The following EXOC1 variants were observed in gnomAD, a reference collection of about 807,000 sequenced individuals.
EXOC1 encodes the protein SEC3-like 1.
In EXOC1, 67 loss-of-function variants were observed where a neutral mutation model predicts 107.7. The observed-to-expected ratio is 0.62, with a 90% confidence interval of 0.51 to 0.76. The LOEUF (loss-of-function observed/expected upper bound fraction) is 0.76, where lower values mean the gene tolerates loss of function less well. Among genes scored for constraint, EXOC1 ranks in the 30% least tolerant of loss-of-function variants. The probability of loss-of-function intolerance (pLI) is 0.00; values close to 1 mark genes in which losing one functional copy is unlikely to be tolerated. For missense variants in EXOC1, 833 were observed against 1,055.7 expected, an observed-to-expected ratio of 0.79 and a Z score of 2.92; for synonymous variants, 348 against 353.5, an observed-to-expected ratio of 0.98 and a Z score of 0.17.
At chr4:55,877,609 TGA>T (rs1257963199) in intron 8 of EXOC1, 3 of 985,396 alleles carry the variant, frequency 3.0e-6, no homozygotes, top group Non-Finnish European at 3.6e-6. Flanking sequence ...AAATATGGTA[TGA>T]GAGAGACAAG....
At chr4:55,899,045 G>A (rs1725582960) in intron 16 of EXOC1, among the ~76,000 whole-genome samples, 1 of 152,026 alleles carries the variant, frequency 6.6e-6, no homozygotes, top group Admixed American at 6.5e-5. Flanking sequence ...CCAATGCTGG[G>A]TTTTACTAGG....
chr4:55,894,408 A>G (rs1182860467), intron 15 of EXOC1, among the ~76,000 whole-genome samples: 3 of 151,926 alleles, frequency 2.0e-5, no homozygotes, highest in East Asian at 1.9e-4. Context: ...AACAATTGAA[A>G]CAATCATTTG....
At chr4:55,858,718 G>A (rs921806470) in intron 2 of EXOC1, among the ~76,000 whole-genome samples, 1 of 152,082 alleles carries the variant, frequency 6.6e-6, no homozygotes, top group Admixed American at 6.5e-5. Context: ...TCATTCTGTT[G>A]TGTATGAAAT....
At chr4:55,901,075 A>T (rs193296075) in intron 17 of EXOC1, among the ~76,000 whole-genome samples, 13 of 152,302 alleles carry the variant, frequency 8.5e-5, no homozygotes, top group African/African-American at 3.1e-4. Context: ...ATTCCCTCTG[A>T]AATCAATTTA....
At chr4:55,876,020 C>T (rs1466551016) in intron 8 of EXOC1, 1 of 982,210 alleles carries the variant, frequency 1.0e-6, no homozygotes, top group African/African-American at 1.8e-5. Context: ...TCCTGATTAT[C>T]CTTCTGGCAT....
At chr4:55,855,760 C>G (rs556298912) in intron 1 of EXOC1, among the ~76,000 whole-genome samples, 1 of 152,228 alleles carries the variant, frequency 6.6e-6, no homozygotes, top group South Asian at 2.1e-4. Context: ...GTTGCATGAA[C>G]AAAAGCCCAG....
chr4:55,885,112 T>C (rs1013189254), intron 10 of EXOC1, among the ~76,000 whole-genome samples: 7 of 152,168 alleles, frequency 4.6e-5, no homozygotes, highest in Admixed American at 6.5e-5. Flanking sequence ...GGATATGTTA[T>C]GCTTTTTTTT....
chr4:55,858,273 T>C, intron 1 of EXOC1, 41 bp from the exon 2 acceptor site: 2 of 1,531,374 alleles, frequency 1.3e-6, no homozygotes, highest in Non-Finnish European at 1.8e-6. Context: ...GATGGAATGA[T>C]GTTGAGGGTG....
At chr4:55,868,270 T>C (rs1166946775) in intron 4 of EXOC1, 66 bp from the exon 5 acceptor site, 3 of 1,357,354 alleles carry the variant, frequency 2.2e-6, no homozygotes, top group Non-Finnish European at 3.0e-6. Flanking sequence ...TACCTACCTA[T>C]ATGTATTATG....
chr4:55,869,900 A>G (rs1259776710), intron 5 of EXOC1, among the ~76,000 whole-genome samples: 1 of 152,138 alleles, frequency 6.6e-6, no homozygotes, highest in Non-Finnish European at 1.5e-5. Context: ...TTTTTGTTCT[A>G]ATTAATATGG....
intron 18 of EXOC1, among the ~76,000 whole-genome samples, chr4:55,903,159 AAAAAAGAAAGAAAGAAAG>A (rs1560369962): frequency 6.9e-6 from 1 of 144,884 alleles, no homozygotes; most frequent in African/African-American, 2.5e-5. Context: ...AAAAAAAAAA[AAAAAAGAAAGAAAGAAAG>A]AAAAAGAAAG....
chr4:55,870,449 C>G (rs1027374105), intron 5 of EXOC1, among the ~76,000 whole-genome samples: 103 of 152,284 alleles, frequency 6.8e-4, no homozygotes, highest in African/African-American at 2.4e-3. Context: ...GGCATGGTCC[C>G]TAACATTGAT....
intron 16 of EXOC1, among the ~76,000 whole-genome samples, chr4:55,897,690 G>A (rs1211638495): frequency 6.6e-6 from 1 of 151,950 alleles, no homozygotes; most frequent in Non-Finnish European, 1.5e-5. Context: ...ATCTCGGCTC[G>A]CTGCAACCTT....
At chr4:55,903,015 G>T (rs1490832535) in intron 18 of EXOC1, among the ~76,000 whole-genome samples, 1 of 151,722 alleles carries the variant, frequency 6.6e-6, no homozygotes, top group Admixed American at 6.6e-5. Flanking sequence ...ATGGTGGCAC[G>T]TGCCTGTAGT....
intron 4 of EXOC1, 31 bp downstream of exon 4, chr4:55,864,417 T>A: frequency 6.6e-7 from 1 of 1,519,364 alleles, no homozygotes; most frequent in South Asian, 1.2e-5. Context: ...ATATGTAAAA[T>A]CAATTATATC....
chr4:55,860,786 T>C (rs1196256343), intron 3 of EXOC1, among the ~76,000 whole-genome samples: 1 of 152,122 alleles, frequency 6.6e-6, no homozygotes, highest in East Asian at 1.9e-4. Flanking sequence ...ATACATAGTA[T>C]GGATTTTAAA....
intron 12 of EXOC1, 45 bp downstream of exon 12, chr4:55,890,431 T>C: frequency 6.4e-7 from 1 of 1,573,212 alleles, no homozygotes; most frequent in Non-Finnish European, 8.7e-7. Context: ...ACATTAGTTT[T>C]CTAACAGCAG....
chr4:55,864,271 G>T lies in EXOC1; in HGVS notation c.300G>T (p.Trp100Cys). Reference protein sequence around the residue: ...FDLHFEKIYKWVASSTAEKNA... With the variant: ...FDLHFEKIYKCVASSTAEKNA... The stretch of plus-strand genomic sequence containing the variant: ...TACACTTTGAAAAAATATATAAATG[G>T]GTTGCCAGCAGCACTGCTGAAAAGA... The change falls in exon 4 of 19, where the codon TGG becomes TGT. Residue 100 changes from tryptophan (W) to cysteine (C), a missense_variant. Trp to Cys is a radical substitution (Grantham distance 215, BLOSUM62 -2). Coordinates refer to ENST00000381295, the MANE Select transcript of EXOC1 (RefSeq NM_001024924.2). The T allele has an allele frequency of 6.2e-7, 1 of 1,600,644 alleles. No homozygotes were observed. The highest frequency in any genetic ancestry group is 8.5e-7 in the Non-Finnish European group (1 of 1,173,090).
At chr4:55,860,644 T>C in intron 3 of EXOC1, 103 bp downstream of exon 3, 1 of 1,375,834 alleles carries the variant, frequency 7.3e-7, no homozygotes, top group Non-Finnish European at 9.8e-7. Context: ...TTAATATATA[T>C]GTTTGTTTTC....
Sources: gnomAD v4.1 joint callset for allele counts (sites outside exome capture counted in the v4.1 genomes callset) on GRCh38, gnomAD v4.1.1 for gene constraint, MANE v1.5 for transcripts, NCBI Gene and HGNC (gene_info 2026-07-23, HGNC 2026-07-21) for gene names.